The following ARHGEF10L variants were observed in gnomAD, a reference collection of about 807,000 sequenced individuals.
ARHGEF10L encodes rho guanine nucleotide exchange factor 10-like protein.
A neutral mutation model predicts 141.2 loss-of-function variants in ARHGEF10L; 69 were observed. The observed-to-expected ratio is 0.49, with a 90% confidence interval of 0.40 to 0.60. The LOEUF (loss-of-function observed/expected upper bound fraction) is 0.60, where lower values mean the gene tolerates loss of function less well. ARHGEF10L is among the 20% of genes least tolerant of loss of function. The probability of loss-of-function intolerance (pLI) is 0.00; values close to 1 mark genes in which losing one functional copy is unlikely to be tolerated. For missense variants in ARHGEF10L, 1,482 were observed against 1,734.3 expected (o/e 0.85, Z 2.58); for synonymous variants, 711 against 718.5 (o/e 0.99, Z 0.17).
intron 26 of ARHGEF10L, among the ~76,000 whole-genome samples, chr1:17,665,782 A>G (rs544097714): frequency 3.3e-5 from 5 of 152,338 alleles, no homozygotes; most frequent in Admixed American, 2.0e-4. Flanking sequence ...ACACACGTAT[A>G]TAGAAAGAGA....
chr1:17,692,589 G>A (rs1345353334), intron 27 of ARHGEF10L, among the ~76,000 whole-genome samples: 1 of 152,134 alleles, frequency 6.6e-6, no homozygotes, highest in Non-Finnish European at 1.5e-5. Flanking sequence ...AAACAGGTTG[G>A]GCTCTCCTCA....
chr1:17,604,673 T>C (rs186531602), intron 6 of ARHGEF10L: 1 of 152,398 alleles, frequency 6.6e-6, no homozygotes, highest in Admixed American at 6.5e-5. Context: ...AGGATATGCT[T>C]ATCCCTTTAG....
rs2065588820 is a variant in ARHGEF10L, at chr1:17,697,378, T to C, written c.3838T>C (p.Ter1280GlnextTer50). The C allele has an allele frequency of 8.8e-6, 14 of 1,585,294 alleles. No homozygotes were observed. The highest frequency in any genetic ancestry group is 1.2e-5 in the Non-Finnish European group (14 of 1,163,172). The change falls in exon 29 of 29, where the codon TAG becomes CAG. Residue 1280 changes from the stop codon to glutamine, a stop_lost. Coordinates refer to ENST00000361221, the MANE Select transcript of ARHGEF10L (RefSeq NM_018125.4). The surrounding 1 kb of genome is among the most constrained non-coding windows in gnomAD (Gnocchi z 4.8). Reference protein sequence around the residue: ...LLIWQVPLML* With the variant: ...LLIWQVPLMLQ ...CATCTGGCAGGTGCCCTTGATGCTA[T>C]AGCGCCTCCCCTCTCCCCTCAGAGG...
chr1:17,675,050 G>A lies in ARHGEF10L; in HGVS notation c.3009+10455G>A, dbSNP rs1362169519. Among the ~76,000 whole-genome samples the A allele has an allele frequency of 2.6e-5, 4 of 152,132 alleles. No homozygotes were observed. The East Asian group carries it at 7.7e-4, about 29-fold the overall frequency. ...TCTTGACTGTGGCTTGAGTCTTTTG[G>A]GCAATGTCCAGTTGGGAGCTGGGGG... is the stretch of plus-strand genomic sequence containing the variant. On this transcript the variant is annotated intron_variant, in intron 26 of 28. Coordinates refer to ENST00000361221, the MANE Select transcript of ARHGEF10L (RefSeq NM_018125.4).
intron 1 of ARHGEF10L, among the ~76,000 whole-genome samples, chr1:17,552,027 C>A (rs1290726847): frequency 1.3e-5 from 2 of 152,192 alleles, no homozygotes; most frequent in Admixed American, 1.3e-4. Context: ...AGGGCTGGGG[C>A]TTTCCCAGAG....
rs12085855 is a variant in ARHGEF10L, at chr1:17,681,221, T to C, written c.3010-6352T>C. ...CATGCACAGAGACATACACCCACTT[T>C]TAAAAAAGTCAGTTGCAGGCATCAT... On this transcript the variant is annotated intron_variant, in intron 26 of 28. Coordinates refer to ENST00000361221, the MANE Select transcript of ARHGEF10L (RefSeq NM_018125.4). 6.1e-3 allele frequency among the ~76,000 whole-genome samples: 935 copies of C among 152,320 alleles called. 10 individuals carry two copies. The highest frequency in any genetic ancestry group is 0.021 in the African/African-American group (879 of 41,564).
chr1:17,631,721 G>A (rs1254228561), intron 15 of ARHGEF10L, among the ~76,000 whole-genome samples: 1 of 152,240 alleles, frequency 6.6e-6, no homozygotes, highest in African/African-American at 2.4e-5. Context: ...AGGGCCCCAT[G>A]CTTGCTTTCA....
chr1:17,620,769 G>A (rs754180170), intron 10 of ARHGEF10L, among the ~76,000 whole-genome samples: 5 of 152,188 alleles, frequency 3.3e-5, no homozygotes, highest in Non-Finnish European at 7.3e-5. Context: ...AGATCGAGAG[G>A]GATGGGCTCC....
the ARHGEF10L span, among the ~76,000 whole-genome samples, chr1:17,532,169 T>C: frequency 6.6e-6 from 1 of 152,102 alleles, no homozygotes. Context: ...CTCCCTCTCC[T>C]CAGCAGCCAC....
intron 2 of ARHGEF10L, among the ~76,000 whole-genome samples, chr1:17,586,835 A>G (rs941742914): frequency 2.6e-5 from 4 of 152,054 alleles, no homozygotes; most frequent in African/African-American, 7.2e-5. Context: ...ACAGGAGTTC[A>G]TAGTCACGAA....
chr1:17,596,248 A>C lies in ARHGEF10L; in HGVS notation c.258-5879A>C, dbSNP rs76756621. 7.9e-3 allele frequency among the ~76,000 whole-genome samples: 1,203 copies of C among 152,370 alleles called. 35 individuals carry two copies. The East Asian group carries it at 0.12, about 15-fold the overall frequency. ...CTCAGCTTTGACATGCTGTACAACCAGGTCAAGTGGCCAGGGCCAAAAAGA... is the reference window on the plus strand; with the variant it reads ...CTCAGCTTTGACATGCTGTACAACCCGGTCAAGTGGCCAGGGCCAAAAAGA... On this transcript the variant is annotated intron_variant, in intron 4 of 28. Transcript: ENST00000361221.
chr1:17,659,943 G>A (rs1404018494), intron 25 of ARHGEF10L, among the ~76,000 whole-genome samples: 1 of 152,242 alleles, frequency 6.6e-6, no homozygotes, highest in African/African-American at 2.4e-5. Context: ...TGGCCTCAGA[G>A]TCCCACCTGC....
chr1:17,588,720 T>G (rs1388990417), intron 4 of ARHGEF10L, among the ~76,000 whole-genome samples: 1 of 151,988 alleles, frequency 6.6e-6, no homozygotes, highest in Non-Finnish European at 1.5e-5. Flanking sequence ...CTCCAAACCC[T>G]ACCTCTGTGG....
chr1:17,557,047 A>G (rs2077356852), intron 1 of ARHGEF10L, among the ~76,000 whole-genome samples: 1 of 151,614 alleles, frequency 6.6e-6, no homozygotes, highest in Non-Finnish European at 1.5e-5. Context: ...AAAAAAAAAA[A>G]AAAAAGAAAA....
intron 1 of ARHGEF10L, among the ~76,000 whole-genome samples, chr1:17,562,372 G>C (rs1179756009): frequency 1.3e-5 from 2 of 151,998 alleles, no homozygotes; most frequent in Non-Finnish European, 2.9e-5. Context: ...AACCATAATA[G>C]TGCCACTGCA....
intron 27 of ARHGEF10L, among the ~76,000 whole-genome samples, chr1:17,693,312 T>C (rs943409572): frequency 7.2e-5 from 11 of 152,190 alleles, no homozygotes; most frequent in Admixed American, 6.5e-5. Flanking sequence ...CAGGACTCTA[T>C]GTACATGGTC....
intron 26 of ARHGEF10L, among the ~76,000 whole-genome samples, chr1:17,674,910 C>T (rs765042878): frequency 5.9e-5 from 9 of 152,252 alleles, no homozygotes; most frequent in Middle Eastern, 6.8e-3. Flanking sequence ...TCAGCTTTAC[C>T]GCCTAGATCT....
At chr1:17,652,433 G>T (rs1247147268) in intron 22 of ARHGEF10L, among the ~76,000 whole-genome samples, 2 of 152,130 alleles carry the variant, frequency 1.3e-5, no homozygotes, top group Admixed American at 6.5e-5. Context: ...TCTTAAACTA[G>T]GGTGGTCACA....
chr1:17,603,407 C>A lies in ARHGEF10L; in HGVS notation c.350-101C>A. On this transcript the variant is annotated intron_variant, in intron 5 of 28. Transcript: ENST00000361221. The surrounding 1 kb of genome is among the most constrained non-coding windows in gnomAD (Gnocchi z 4.8). ...GGCTGGGCTATCAGAAAGGAGGGTG[C>A]TGCGTGCCACCAGCTGGTGCAGTCC... 1.2e-6 allele frequency: 1 copy of A among 849,942 alleles called. No individual in the cohort carries two copies. Among genetic ancestry groups the A allele is most frequent in the Non-Finnish European group, 1.8e-6 (1 of 552,626 alleles). The allele number at this position is 849,942 out of a possible 1,614,324, so 52.7% of individuals were successfully genotyped here.
Sources: gnomAD v4.1 joint callset for allele counts (sites outside exome capture counted in the v4.1 genomes callset) on GRCh38, gnomAD v4.1.1 for gene constraint, Gnocchi (gnomAD v3.1) non-coding constraint, MANE v1.5 for transcripts, NCBI Gene and HGNC (gene_info 2026-07-23, HGNC 2026-07-21) for gene names.